Variants in CNRIP1 observed in about 807,000 individuals in gnomAD.
The protein encoded by CNRIP1 is cannabinoid receptor interacting protein 1.
In CNRIP1, 10 loss-of-function variants were observed where a neutral mutation model predicts 15.2. The observed-to-expected ratio is 0.66, with a 90% confidence interval of 0.41 to 1.12. The LOEUF is 1.12. Among genes scored for constraint, CNRIP1 ranks in the 50% most tolerant of loss-of-function variants. The pLI, the probability that CNRIP1 is intolerant of heterozygous loss-of-function variation, is 0.00. For missense variants in CNRIP1, 211 were observed against 214.7 expected (o/e 0.98, Z 0.11); for synonymous variants, 91 against 83.2 (o/e 1.09, Z -0.51).
At chr2:68,305,276 GTGTGTGTGT>G in intron 2 of CNRIP1, among the ~76,000 whole-genome samples, 1 of 30,228 alleles carries the variant, frequency 3.3e-5, no homozygotes, top group East Asian at 2.4e-3. Flanking sequence ...ATATATATAT[GTGTGTGTGT>G]GTGTGTGTGT....
downstream of CNRIP1, among the ~76,000 whole-genome samples, chr2:68,290,024 CTTTTTTT>C (rs35429690): frequency 1.1e-5 from 1 of 89,642 alleles, no homozygotes. Context: ...AGAATCTGAA[CTTTTTTT>C]TTTTTTTTTT....
chr2:68,310,096 G>C (rs1299344340), intron 2 of CNRIP1, among the ~76,000 whole-genome samples: 1 of 152,166 alleles, frequency 6.6e-6, no homozygotes, highest in East Asian at 1.9e-4. Context: ...GGGAGGCCGA[G>C]GCAGGTGGAT....
Position 68,293,815 on chromosome 2 carries a change from A to G in CNRIP1, c.*47T>C, listed in dbSNP as rs1262862969. 1 of 1,596,824 alleles carries G rather than the reference A, an allele frequency of 6.3e-7. No individual in the cohort carries two copies. Among genetic ancestry groups the G allele is most frequent in the South Asian group, 1.1e-5 (1 of 90,188 alleles). On this transcript the variant is annotated 3_prime_UTR_variant, in exon 3 of 3. Transcript: ENST00000263655. ...TAAGGCCTGCGCTGGTTTATCTAAAAGTAGATTTCTGAAAAGATTGTCCAG... is the reference window on the plus strand; with the variant it reads ...TAAGGCCTGCGCTGGTTTATCTAAAGGTAGATTTCTGAAAAGATTGTCCAG...
chr2:68,311,437 A>G (rs1449761056), intron 2 of CNRIP1, among the ~76,000 whole-genome samples: 1 of 152,198 alleles, frequency 6.6e-6, no homozygotes, highest in Non-Finnish European at 1.5e-5. Context: ...ATCTCTAGCT[A>G]GACTAATCAG....
At chr2:68,288,321 T>C (rs1261266066), downstream of CNRIP1, among the ~76,000 whole-genome samples, 1 of 152,126 alleles carries the variant, frequency 6.6e-6, no homozygotes, top group Non-Finnish European at 1.5e-5. Context: ...ACATTTAAGC[T>C]GGCACTTGAA....
intron 2 of CNRIP1, among the ~76,000 whole-genome samples, chr2:68,301,311 G>C (rs1455257549): frequency 6.6e-6 from 1 of 152,114 alleles, no homozygotes; most frequent in Non-Finnish European, 1.5e-5. Context: ...ATCCATAGTT[G>C]GAGAAAGAGC....
chr2:68,305,240 G>A lies in CNRIP1; in HGVS notation c.331-11214C>T, dbSNP rs575114965. Among the ~76,000 whole-genome samples the A allele has an allele frequency of 2.5e-3, 134 of 52,888 alleles. 1 individual carries two copies. The highest frequency in any genetic ancestry group is 0.021 in the Middle Eastern group (2 of 94). 34.7% of individuals were successfully genotyped at this position (52,888 alleles called of 152,430 possible). ...GCCTGGGCAACAAGAGTGAAACTCC[G>A]TCTCAAAAAAAAAAAAAAAATATAT... On this transcript the variant is annotated intron_variant, in intron 2 of 2. Coordinates refer to ENST00000263655, the MANE Select transcript of CNRIP1 (RefSeq NM_015463.3).
Position 68,319,350 on chromosome 2 carries a change from C to T in CNRIP1, c.51G>A (p.Gln17=), listed in dbSNP as rs774341848. 1.3e-6 allele frequency: 2 copies of T among 1,582,518 alleles called. No homozygotes were observed. Among genetic ancestry groups the T allele is most frequent in the South Asian group, 2.3e-5 (2 of 87,080 alleles). Residue 17 remains glutamine, a synonymous_variant, in exon 1 of 3, where the codon CAG becomes CAA. Transcript: ENST00000263655. ...LVRLSIALRI[Q]PNDGPVFYKV... is the part of the protein sequence containing the mutation. ...TGTAAAAGACCGGGCCGTCATTAGGCTGGATGCGCAGCGCGATGGAGAGGC... is the reference window on the plus strand; with the variant it reads ...TGTAAAAGACCGGGCCGTCATTAGGTTGGATGCGCAGCGCGATGGAGAGGC...
chr2:68,305,312 G>GTGTGTGTGTGTGTGTA (rs1285507186), intron 2 of CNRIP1, among the ~76,000 whole-genome samples: 2 of 129,066 alleles, frequency 1.5e-5, no homozygotes, highest in African/African-American at 5.9e-5. Context: ...GTGTGTGTGT[G>GTGTGTGTGTGTGTGTA]TACATATAAA....
At chr2:68,289,822 T>C (rs1292175445), downstream of CNRIP1, among the ~76,000 whole-genome samples, 1 of 152,056 alleles carries the variant, frequency 6.6e-6, no homozygotes, top group Non-Finnish European at 1.5e-5. Flanking sequence ...AATGATATTA[T>C]GTGCCAGGAA....
chr2:68,314,987 A>G (rs1226505869), intron 2 of CNRIP1, among the ~76,000 whole-genome samples: 1 of 152,106 alleles, frequency 6.6e-6, no homozygotes, highest in Non-Finnish European at 1.5e-5. Flanking sequence ...CTGGGAGTCA[A>G]GGAAGACTTT....
intron 2 of CNRIP1, among the ~76,000 whole-genome samples, chr2:68,295,284 C>A (rs1671308247): frequency 6.6e-6 from 1 of 152,192 alleles, no homozygotes; most frequent in Non-Finnish European, 1.5e-5. Flanking sequence ...AAAATTATAT[C>A]TTGCACCATT....
chr2:68,294,954 C>T (rs1275390710), intron 2 of CNRIP1, among the ~76,000 whole-genome samples: 3 of 152,216 alleles, frequency 2.0e-5, no homozygotes, highest in Non-Finnish European at 4.4e-5. Context: ...TCTCTTGCAG[C>T]TGAGAAGAGT....
At chr2:68,295,578 C>T (rs563089597) in intron 2 of CNRIP1, among the ~76,000 whole-genome samples, 1 of 152,284 alleles carries the variant, frequency 6.6e-6, no homozygotes, top group East Asian at 1.9e-4. Context: ...TAAAGGAAGA[C>T]ATGCTGATTC....
rs185082977 is a variant in CNRIP1, at chr2:68,303,058, A to G, written c.331-9032T>C. On this transcript the variant is annotated intron_variant, in intron 2 of 2. Transcript: ENST00000263655. ...GAGACGGGGTTTCACTGTGTTAGCC[A>G]GGATGGTCTCGATCTCCTGACTTCG... is the stretch of plus-strand genomic sequence containing the variant. 8.8e-4 allele frequency among the ~76,000 whole-genome samples: 133 copies of G among 151,918 alleles called. 1 individual carries two copies. Among genetic ancestry groups the G allele is most frequent in the African/African-American group, 2.2e-3 (91 of 41,470 alleles).
chr2:68,305,244 CAAAAAAAAAA>C lies in CNRIP1; in HGVS notation c.331-11228_331-11219del, dbSNP rs60243249. On this transcript the variant is annotated intron_variant, in intron 2 of 2. Transcript: ENST00000263655. ...GGGCAACAAGAGTGAAACTCCGTCT[CAAAAAAAAAA>C]AAAAAATATATATATATATATGTGT... Among the ~76,000 whole-genome samples the C allele has an allele frequency of 1.2e-4, 11 of 91,634 alleles. No homozygotes were observed. In the East Asian group the frequency reaches 2.0e-3, roughly 17 times the overall value. The allele number at this position is 91,634 out of a possible 152,430, so 60.1% of individuals were successfully genotyped here. A position where few individuals can be genotyped will look rare whatever the true frequency, so the allele number is the denominator to read the frequency against.
Position 68,306,124 on chromosome 2 carries a change from C to CAAAAAAAAAAAAAAAAAA in CNRIP1, c.330+11015_330+11032dup, listed in dbSNP as rs61586261. On this transcript the variant is annotated intron_variant, in intron 2 of 2. Coordinates refer to ENST00000263655, the MANE Select transcript of CNRIP1 (RefSeq NM_015463.3). ...CTGGGCAGCAGAGACCCCACCTCTA[C>CAAAAAAAAAAAAAAAAAA]AAAAAAAAAAAAAAAAAAAAAAAAA... Among the ~76,000 whole-genome samples the CAAAAAAAAAAAAAAAAAA allele has an allele frequency of 3.9e-3, 98 of 25,336 alleles. 16 individuals carry two copies. Among genetic ancestry groups the CAAAAAAAAAAAAAAAAAA allele is most frequent in the Non-Finnish European group, 4.5e-3 (64 of 14,270 alleles). The allele number at this position is 25,336 out of a possible 152,430, so 16.6% of individuals were successfully genotyped here.
chr2:68,319,456 C>T lies in CNRIP1; in HGVS notation c.-56G>A. 3.5e-6 allele frequency: 5 copies of T among 1,436,448 alleles called. No homozygotes were observed. The highest frequency in any genetic ancestry group is 2.8e-5 in the South Asian group (2 of 70,942). The allele number at this position is 1,436,448 out of a possible 1,614,324, so 89.0% of individuals were successfully genotyped here. Reference sequence around the variant, plus strand: ...GGGGGGCGGAGGACAGCGCCGGCTGCGGCCGAGTGGCTGGAGCGCGAGGGG... The same window carrying T: ...GGGGGGCGGAGGACAGCGCCGGCTGTGGCCGAGTGGCTGGAGCGCGAGGGG... On this transcript the variant is annotated 5_prime_UTR_variant, in exon 1 of 3. Transcript: ENST00000263655.
chr2:68,311,135 T>A (rs962680121), intron 2 of CNRIP1, among the ~76,000 whole-genome samples: 1 of 152,160 alleles, frequency 6.6e-6, no homozygotes, highest in African/African-American at 2.4e-5. Flanking sequence ...AACAAAACAA[T>A]GGTTAATAAT....
Sources: gnomAD v4.1 joint callset for allele counts (sites outside exome capture counted in the v4.1 genomes callset) on GRCh38, gnomAD v4.1.1 for gene constraint, MANE v1.5 for transcripts, NCBI Gene and HGNC (gene_info 2026-07-23, HGNC 2026-07-21) for gene names.